Variants in MAOB observed in about 807,000 individuals in gnomAD.
MAOB encodes monoamine oxidase B.
Under a neutral mutation model 41.9 loss-of-function variants are expected in MAOB, and 15 were observed. The observed-to-expected ratio is 0.36, with a 90% confidence interval of 0.24 to 0.55. MAOB has a LOEUF of 0.55. Ranked by LOEUF, MAOB falls within the 20% of genes least tolerant of loss-of-function variation. MAOB has a pLI of 0.86. For synonymous variants in MAOB, 167 were observed against 144.2 expected, an observed-to-expected ratio of 1.16 and a Z score of -1.13; for missense variants, 345 against 398.7, an observed-to-expected ratio of 0.87 and a Z score of 1.15.
intron 8 of MAOB, among the ~76,000 whole-genome samples, chrX:43,784,394 G>A (rs1347359102): frequency 8.9e-6 from 1 of 112,258 alleles, no homozygotes; most frequent in Non-Finnish European, 1.9e-5. Flanking sequence ...CTTGATCCAT[G>A]GGCTGCAGAA....
At chrX:43,853,034 C>T (rs1183377203) in intron 1 of MAOB, among the ~76,000 whole-genome samples, 1 of 110,475 alleles carries the variant, frequency 9.1e-6, no homozygotes, top group Non-Finnish European at 1.9e-5. Flanking sequence ...GGCGCGGTGG[C>T]TCACGCCTGT....
At position 43,820,567 on chromosome X, in the gene MAOB, A is replaced by G. The variant is rs767477517; in HGVS notation, c.280-17163T>C. Among the ~76,000 whole-genome samples the G allele has an allele frequency of 7.1e-5, 8 of 112,191 alleles. No individual in the cohort carries two copies. In the East Asian group the frequency reaches 2.2e-3, roughly 31 times the overall value. ...TCATCGCAAACTCTTATTTTATAAC[A>G]TTCAAACACCAGAAACCACTTGCAA... On this transcript the variant is annotated intron_variant, in intron 3 of 14. Coordinates refer to ENST00000378069, the MANE Select transcript of MAOB (RefSeq NM_000898.5).
At chrX:43,881,495 C>T (rs2035472965) in intron 1 of MAOB, among the ~76,000 whole-genome samples, 1 of 112,272 alleles carries the variant, frequency 8.9e-6, no homozygotes. Context: ...GGGTAAGTTC[C>T]ACCACTACCC....
intron 3 of MAOB, among the ~76,000 whole-genome samples, chrX:43,816,336 G>A (rs958855846): frequency 9.0e-6 from 1 of 111,608 alleles, no homozygotes; most frequent in Non-Finnish European, 1.9e-5. Flanking sequence ...TTTTCTGTAT[G>A]TATGCTATAC....
At chrX:43,775,083 A>G in intron 12 of MAOB, 92 bp downstream of exon 12, 1 of 906,041 alleles carries the variant, frequency 1.1e-6, no homozygotes, top group Non-Finnish European at 1.4e-6. Flanking sequence ...TGTATTTATA[A>G]GAAACAAGGG....
At chrX:43,873,159 C>A (rs2035418522) in intron 1 of MAOB, among the ~76,000 whole-genome samples, 2 of 111,977 alleles carry the variant, frequency 1.8e-5, no homozygotes, top group Non-Finnish European at 3.8e-5. Context: ...GAGCTTGTTT[C>A]TTTAATGTAG....
chrX:43,777,353 C>A (rs1245727875), intron 11 of MAOB, among the ~76,000 whole-genome samples: 1 of 110,463 alleles, frequency 9.1e-6, no homozygotes, highest in Non-Finnish European at 1.9e-5. Flanking sequence ...GGAGGCTATG[C>A]CTATATTTAA....
intron 3 of MAOB, among the ~76,000 whole-genome samples, chrX:43,835,642 C>G (rs2035063217): frequency 8.9e-6 from 1 of 112,059 alleles, no homozygotes; most frequent in African/African-American, 3.2e-5. Flanking sequence ...CTGTTCATCA[C>G]AGCACACTAG....
chrX:43,852,093 C>T lies in MAOB; in HGVS notation c.47-8329G>A, dbSNP rs1437918496. ...CACCTCCTGGCTGCATAACCTCAGA[C>T]AAGAGTCCCCACCTTTCTGGGACTC... is the stretch of plus-strand genomic sequence containing the variant. On this transcript the variant is annotated intron_variant, in intron 1 of 14. Coordinates refer to ENST00000378069, the MANE Select transcript of MAOB (RefSeq NM_000898.5). 2.1e-4 allele frequency among the ~76,000 whole-genome samples: 24 copies of T among 111,923 alleles called. No homozygotes were observed. The Admixed American group carries it at 2.2e-3, about 10-fold the overall frequency.
chrX:43,853,619 G>A (rs2035269714), intron 1 of MAOB, among the ~76,000 whole-genome samples: 2 of 112,057 alleles, frequency 1.8e-5, no homozygotes, highest in African/African-American at 6.5e-5. Flanking sequence ...AAGTTAAAAT[G>A]AGGTCAGTAT....
intron 1 of MAOB, among the ~76,000 whole-genome samples, chrX:43,859,569 G>A (rs943724701): frequency 5.4e-5 from 6 of 111,159 alleles, no homozygotes; most frequent in African/African-American, 1.3e-4. Context: ...TAATCAACCC[G>A]CCTATACACA....
At chrX:43,775,487 A>G (rs1218553481) in intron 11 of MAOB, among the ~76,000 whole-genome samples, 1 of 111,659 alleles carries the variant, frequency 9.0e-6, no homozygotes, top group African/African-American at 3.3e-5. Context: ...TGTTTTTTTC[A>G]TTTGGTTTCT....
chrX:43,814,887 T>A (rs920480830), intron 3 of MAOB, among the ~76,000 whole-genome samples: 1 of 111,838 alleles, frequency 8.9e-6, no homozygotes, highest in African/African-American at 3.2e-5. Flanking sequence ...AAGTAAAGTG[T>A]TTAAGAAGCT....
chrX:43,850,366 T>G lies in MAOB; in HGVS notation c.47-6602A>C, dbSNP rs1410036805. 2 of 747,305 alleles carry G rather than the reference T, an allele frequency of 2.7e-6. 1 individual carries two copies. Among genetic ancestry groups the G allele is most frequent in the Non-Finnish European group, 3.2e-6 (2 of 634,076 alleles). 61.6% of individuals were successfully genotyped at this position (747,305 alleles called of 1,213,427 possible). A position where few individuals can be genotyped will look rare whatever the true frequency, so the allele number is the denominator to read the frequency against. ...ATCAATGTCCAAAGCCTTGGGACTG[T>G]ATCATTAGAGGAATATTTGCAGGCA... On this transcript the variant is annotated intron_variant, in intron 1 of 14. Transcript: ENST00000378069.
At chrX:43,849,987 C>T (rs1047747683) in intron 1 of MAOB, among the ~76,000 whole-genome samples, 1 of 112,523 alleles carries the variant, frequency 8.9e-6, no homozygotes, top group Non-Finnish European at 1.9e-5. Context: ...ACAGTAATAA[C>T]CACCTTACAT....
chrX:43,864,137 A>G (rs2035350542), intron 1 of MAOB, among the ~76,000 whole-genome samples: 1 of 111,786 alleles, frequency 8.9e-6, no homozygotes, highest in South Asian at 3.7e-4. Flanking sequence ...TACTTACTAC[A>G]TGTTAAACAT....
chrX:43,823,464 C>G (rs951023213), intron 3 of MAOB, among the ~76,000 whole-genome samples: 2 of 111,113 alleles, frequency 1.8e-5, no homozygotes, highest in Admixed American at 9.6e-5. Context: ...TGAGCCACCA[C>G]GCCAGGCCTA....
intron 6 of MAOB, among the ~76,000 whole-genome samples, 179 bp from the exon 7 acceptor site, chrX:43,796,067 A>G (rs1217736724): frequency 1.8e-5 from 2 of 112,030 alleles, no homozygotes; most frequent in Admixed American, 9.4e-5. Context: ...AAGTTACAGG[A>G]TTTCTAAGTT....
At position 43,795,741 on chromosome X, in the gene MAOB, C is replaced by A; in HGVS notation, c.766G>T (p.Glu256Ter). 1 of 1,193,699 alleles carries A rather than the reference C, an allele frequency of 8.4e-7. No individual in the cohort carries two copies. Residue 256 changes from glutamate to a stop codon, truncating the protein, a stop_gained and splice_region_variant, in exon 7 of 15, where the codon GAG (glutamate) becomes TAG (stop). Transcript: ENST00000378069. LOFTEE classifies it high-confidence loss of function. ...ATATTTCACAATATCACAGTTACCT[C>A]ATACATCTCATGGTTTAGGGTCTCC... ...LVETLNHEMY[E>*]AKYVISAIPP...
Sources: allele counts gnomAD v4.1 joint callset (sites outside exome capture counted in the v4.1 genomes callset), GRCh38; gene constraint gnomAD v4.1.1; transcripts MANE v1.5; gene names NCBI Gene and HGNC (gene_info 2026-07-23, HGNC 2026-07-21).